Variants in PCM1 observed in about 807,000 individuals in gnomAD.
PCM1 encodes the protein pericentriolar material 1 protein.
A neutral mutation model predicts 241.9 loss-of-function variants in PCM1; 157 were observed. The observed-to-expected ratio is 0.65, with a 90% CI of 0.57 to 0.74. PCM1 has a LOEUF of 0.74. Among genes scored for constraint, PCM1 ranks in the 30% least tolerant of loss-of-function variants. The pLI, the probability that PCM1 is intolerant of heterozygous loss-of-function variation, is 0.00. For synonymous variants in PCM1, 1,085 were observed against 784.9 expected, an observed-to-expected ratio of 1.38 and a Z score of -6.39; for missense variants, 3,478 against 2,360.1, an observed-to-expected ratio of 1.47 and a Z score of -9.81.
chr8:17,931,735 G>C (rs2059106080), intron 2 of PCM1, among the ~76,000 whole-genome samples: 1 of 151,982 alleles, frequency 6.6e-6, no homozygotes. Flanking sequence ...CATCACTTCT[G>C]TTGCCTGGCT....
intron 31 of PCM1, among the ~76,000 whole-genome samples, chr8:18,010,341 C>G (rs2092298658): frequency 6.6e-6 from 1 of 152,176 alleles, no homozygotes; most frequent in Admixed American, 6.5e-5. Context: ...AGAGATGGCT[C>G]TTCTTTCTTA....
At chr8:18,006,521 C>A in intron 30 of PCM1, 124 bp downstream of exon 30, 3 of 633,706 alleles carry the variant, frequency 4.7e-6, no homozygotes, top group Non-Finnish European at 8.5e-6. Context: ...ATCTAGCGTC[C>A]ATTTGGGATG....
At chr8:17,951,909 A>G (rs1433426910) in intron 8 of PCM1, among the ~76,000 whole-genome samples, 2 of 151,956 alleles carry the variant, frequency 1.3e-5, no homozygotes, top group African/African-American at 4.8e-5. Context: ...GGATTCTTGC[A>G]AAGTTTCATA....
At chr8:17,928,059 A>T (rs758906183) in intron 2 of PCM1, 27 of 151,946 alleles carry the variant, frequency 1.8e-4, no homozygotes, top group Admixed American at 4.6e-4. Flanking sequence ...AAGTAGAAGG[A>T]TTTTATTTTT....
chr8:17,938,007 C>G (rs1242074893), intron 4 of PCM1, among the ~76,000 whole-genome samples: 1 of 152,074 alleles, frequency 6.6e-6, no homozygotes, highest in Non-Finnish European at 1.5e-5. Flanking sequence ...GAGCTGAATA[C>G]TTTTTCAGAC....
intron 9 of PCM1, among the ~76,000 whole-genome samples, chr8:17,953,680 T>A (rs909484579): frequency 3.3e-5 from 5 of 152,194 alleles, no homozygotes; most frequent in Non-Finnish European, 7.4e-5. Flanking sequence ...TATTCATTTT[T>A]AAAAAATATA....
intron 8 of PCM1, 84 bp downstream of exon 8, chr8:17,950,808 A>G: frequency 1.3e-6 from 1 of 766,926 alleles, no homozygotes; most frequent in Admixed American, 2.3e-5. Flanking sequence ...GAGCATACAT[A>G]TCACCTGGCA....
At chr8:17,989,185 A>G (rs750402362) in intron 26 of PCM1, among the ~76,000 whole-genome samples, 1 of 151,992 alleles carries the variant, frequency 6.6e-6, no homozygotes, top group African/African-American at 2.4e-5. Context: ...AAGTCAGACA[A>G]TGAAGAGTGT....
At chr8:17,929,855 AAGAC>A (rs1467150999) in intron 2 of PCM1, among the ~76,000 whole-genome samples, 1 of 152,218 alleles carries the variant, frequency 6.6e-6, no homozygotes, top group African/African-American at 2.4e-5. Flanking sequence ...AATAACTAAT[AAGAC>A]AGAATAGTCA....
chr8:18,007,896 T>C (rs949245910), intron 30 of PCM1, among the ~76,000 whole-genome samples: 2 of 152,176 alleles, frequency 1.3e-5, no homozygotes, highest in African/African-American at 4.8e-5. Flanking sequence ...GTTTGCTAAA[T>C]AGGGTAGTCC....
At chr8:17,976,646 G>C (rs889223829) in intron 23 of PCM1, among the ~76,000 whole-genome samples, 1 of 152,178 alleles carries the variant, frequency 6.6e-6, no homozygotes, top group African/African-American at 2.4e-5. Flanking sequence ...TCTCCAGAGT[G>C]CCATGGCTGA....
Position 18,011,242 on chromosome 8 carries a change from G to A in PCM1, c.5226G>A (p.Lys1742=). ...TCAAATATTTTTGTGTCTAGGACAAGGATGAAACTGAAACAGTTAAGCAGA... is the reference window on the plus strand; with the variant it reads ...TCAAATATTTTTGTGTCTAGGACAAAGATGAAACTGAAACAGTTAAGCAGA... ...AGEIDDEDKD[K]DETETVKQTQ... is the part of the protein sequence containing the mutation. The change falls in exon 33 of 39, where the codon AAG becomes AAA. Residue 1742 remains lysine (K), a synonymous_variant. Transcript: ENST00000325083. 1 of 1,601,872 alleles carries A rather than the reference G, an allele frequency of 6.2e-7. No homozygotes were observed. Among genetic ancestry groups the A allele is most frequent in the African/African-American group, 1.3e-5 (1 of 74,800 alleles).
At chr8:18,020,766 G>C (rs1295314220) in intron 36 of PCM1, among the ~76,000 whole-genome samples, 1 of 152,150 alleles carries the variant, frequency 6.6e-6, no homozygotes, top group Non-Finnish European at 1.5e-5. Context: ...TAACCATATA[G>C]CAAAATGCCA....
chr8:18,027,651 C>CAGAGT lies in PCM1; in HGVS notation c.6066_6070dup (p.Ile2024ArgfsTer27), dbSNP rs775036875. ...CTGTTTTTCAGAAACGGTGGGAGCC[C>CAGAGT]AGAGTATATGAGATGTCTTCAGAGG... On this transcript the variant is annotated frameshift_variant, in exon 39 of 39. Transcript: ENST00000325083. LOFTEE classifies it high-confidence loss of function. The CAGAGT allele has an allele frequency of 6.3e-7, 1 of 1,581,372 alleles. No individual in the cohort carries two copies.
chr8:18,014,339 T>TCC (rs1156423771), intron 35 of PCM1, among the ~76,000 whole-genome samples: 1 of 152,102 alleles, frequency 6.6e-6, no homozygotes, highest in East Asian at 1.9e-4. Context: ...GTAGGCCTTA[T>TCC]TACTGAAAGT....
intron 2 of PCM1, among the ~76,000 whole-genome samples, chr8:17,930,346 G>A (rs1270745366): frequency 4.6e-5 from 7 of 151,444 alleles, no homozygotes; most frequent in African/African-American, 1.2e-4. Flanking sequence ...CTCGTGATCC[G>A]CCTGCCTTGG....
intron 13 of PCM1, among the ~76,000 whole-genome samples, chr8:17,958,127 T>G (rs2069564118): frequency 6.6e-6 from 1 of 152,164 alleles, no homozygotes; most frequent in African/African-American, 2.4e-5. Context: ...AGAAGAGGTT[T>G]TGTTGTTTTT....
intron 27 of PCM1, 87 bp from the exon 28 acceptor site, chr8:17,991,455 T>A (rs539662436): frequency 8.7e-7 from 1 of 1,154,456 alleles, no homozygotes; most frequent in Non-Finnish European, 1.2e-6. Flanking sequence ...CCCTTTTGTT[T>A]GGACATTTTT....
rs1014927330 is a variant in PCM1 at position 18,022,007 on chromosome 8, G to A, written c.5842-3354G>A. Among the ~76,000 whole-genome samples, 4 of 152,146 alleles carry A rather than the reference G, an allele frequency of 2.6e-5. No homozygotes were observed. In the East Asian group the frequency reaches 7.7e-4, roughly 29 times the overall value. On this transcript the variant is annotated intron_variant, in intron 36 of 38. Coordinates refer to ENST00000325083, the MANE Select transcript of PCM1 (RefSeq NM_006197.4). ...GACTGGCTTCCATAACTTAGAACGTGGAGATTGGATCTTTTGGAAACAACA... is the reference window on the plus strand; with the variant it reads ...GACTGGCTTCCATAACTTAGAACGTAGAGATTGGATCTTTTGGAAACAACA...
Sources: gnomAD v4.1 joint callset for allele counts (sites outside exome capture counted in the v4.1 genomes callset) on GRCh38, gnomAD v4.1.1 for gene constraint, MANE v1.5 for transcripts, NCBI Gene and HGNC (gene_info 2026-07-23, HGNC 2026-07-21) for gene names.